The following TRPM8 variants were observed in gnomAD, a reference collection of about 807,000 sequenced individuals.
The protein encoded by TRPM8 is transient receptor potential cation channel subfamily M member 8.
In TRPM8, 110 loss-of-function variants were observed where a neutral mutation model predicts 133.7. That is an observed-to-expected ratio of 0.82 (90% confidence interval 0.70 to 0.96). The LOEUF is 0.96. Among genes scored for constraint, TRPM8 ranks in the 40% least tolerant of loss-of-function variants. TRPM8 has a pLI of 0.00. For synonymous variants in TRPM8, 535 were observed against 532.3 expected (o/e 1.01, Z -0.07); for missense variants, 1,291 against 1,379.5 (o/e 0.94, Z 1.02).
At chr2:233,940,491 C>A (rs1184492889) in intron 5 of TRPM8, among the ~76,000 whole-genome samples, 1 of 152,124 alleles carries the variant, frequency 6.6e-6, no homozygotes, top group African/African-American at 2.4e-5. Flanking sequence ...CTATTATGTA[C>A]CAGAAATTGT....
At chr2:233,952,744 T>A (rs1691198633) in intron 9 of TRPM8, among the ~76,000 whole-genome samples, 1 of 151,932 alleles carries the variant, frequency 6.6e-6, no homozygotes, top group South Asian at 2.1e-4. Context: ...GGCAGGAGTA[T>A]GCAGGATGGA....
chr2:233,999,402 G>A (rs558024410), intron 22 of TRPM8, among the ~76,000 whole-genome samples: 24 of 152,264 alleles, frequency 1.6e-4, no homozygotes, highest in Non-Finnish European at 2.1e-4. Flanking sequence ...CTTCTGCTGC[G>A]TTCTATTGGT....
intron 17 of TRPM8, among the ~76,000 whole-genome samples, chr2:233,978,081 C>A (rs899481227): frequency 3.5e-4 from 44 of 126,970 alleles, no homozygotes; most frequent in African/African-American, 1.1e-3. Context: ...TTACAATTTG[C>A]TTTTTTTTTT....
intron 15 of TRPM8, among the ~76,000 whole-genome samples, chr2:233,967,845 CT>C (rs566628857): frequency 1.3e-5 from 2 of 152,128 alleles, no homozygotes; most frequent in Admixed American, 6.5e-5. Flanking sequence ...TCACACTCTA[CT>C]TATGTCTTCC....
At chr2:233,982,319 C>T (rs1317059955) in intron 19 of TRPM8, among the ~76,000 whole-genome samples, 1 of 152,144 alleles carries the variant, frequency 6.6e-6, no homozygotes, top group Admixed American at 6.5e-5. Flanking sequence ...AGGATTGGAA[C>T]CTGAATCATG....
At chr2:233,966,141 C>A (rs7606865) in intron 14 of TRPM8, 15,777 of 157,234 alleles carry the variant, frequency 0.1, 996 homozygotes, top group East Asian at 0.25. Context: ...TGAGCCACTG[C>A]GCCCAACCTT....
intron 5 of TRPM8, among the ~76,000 whole-genome samples, chr2:233,940,638 A>G (rs1305420910): frequency 1.3e-5 from 2 of 152,196 alleles, no homozygotes; most frequent in Non-Finnish European, 2.9e-5. Context: ...TTGGAGTGCT[A>G]CCTTCACTTC....
At chr2:233,966,244 G>T (rs114452238) in intron 14 of TRPM8, 5,495 of 194,158 alleles carry the variant, frequency 0.028, 276 homozygotes, top group African/African-American at 0.13. Flanking sequence ...ATTACGGGGG[G>T]GTCGGGGGGC....
intron 20 of TRPM8, 154 bp downstream of exon 20, chr2:233,983,378 T>G (rs1016645695): frequency 1.1e-5 from 9 of 793,882 alleles, no homozygotes; most frequent in Non-Finnish European, 1.9e-5. Context: ...CAAAACCTCT[T>G]CTTTGCTCTT....
intron 1 of TRPM8, among the ~76,000 whole-genome samples, chr2:233,919,745 T>C (rs1691371856): frequency 6.6e-6 from 1 of 152,086 alleles, no homozygotes; most frequent in Non-Finnish European, 1.5e-5. Context: ...CAGTTATTTA[T>C]TACTGACATT....
intron 8 of TRPM8, among the ~76,000 whole-genome samples, chr2:233,949,006 C>T (rs990945015): frequency 2.4e-4 from 36 of 152,182 alleles, no homozygotes; most frequent in Non-Finnish European, 4.7e-4. Context: ...TGCACTCCAG[C>T]CTGGGAGACA....
chr2:234,000,086 GATTT>G (rs3078202), intron 22 of TRPM8, among the ~76,000 whole-genome samples: 9,266 of 144,216 alleles, frequency 0.064, 485 homozygotes, highest in African/African-American at 0.14. Flanking sequence ...CAATGTGGAT[GATTT>G]ATTTATTTAT....
intron 3 of TRPM8, chr2:233,933,836 C>G (rs912542137): frequency 6.0e-6 from 1 of 167,158 alleles, no homozygotes; most frequent in Admixed American, 6.5e-5. Flanking sequence ...CAGGAAGTAG[C>G]CTGGGCTCAG....
chr2:233,981,761 C>G lies in TRPM8; in HGVS notation c.2448-13C>G, dbSNP rs201325436. 3.8e-5 allele frequency: 60 copies of G among 1,588,638 alleles called. No individual in the cohort carries two copies. The highest frequency in any genetic ancestry group is 5.0e-5 in the Non-Finnish European group (59 of 1,172,790). On this transcript the variant is annotated splice_polypyrimidine_tract_variant and intron_variant, in intron 18 of 25. Transcript: ENST00000324695. Reference sequence around the variant, plus strand: ...CAATATCTCATGAATTCTGTTCCTTCTTTTCCCCCTAGGCTCCACTCTTCT... The same window carrying G: ...CAATATCTCATGAATTCTGTTCCTTGTTTTCCCCCTAGGCTCCACTCTTCT...
In TRPM8 at chr2:233,937,376, A is replaced by T; in HGVS notation, c.215A>T (p.Tyr72Phe). The T allele has an allele frequency of 6.2e-7, 1 of 1,614,190 alleles. No homozygotes were observed. Among genetic ancestry groups the T allele is most frequent in the Non-Finnish European group, 8.5e-7 (1 of 1,180,032 alleles). Reference sequence around the variant, plus strand: ...AGGGAGAATGTGTGCAAGTGTGGCTATGCCCAGAGCCAGCACATGGAAGGC... The same window carrying T: ...AGGGAGAATGTGTGCAAGTGTGGCTTTGCCCAGAGCCAGCACATGGAAGGC... ...KATENVCKCG[Y>F]AQSQHMEGTQ... is the part of the protein sequence containing the mutation. Residue 72 changes from tyrosine (Y) to phenylalanine (F), a missense_variant, in exon 4 of 26, where the codon TAT (tyrosine) becomes TTT (phenylalanine). Physicochemically the swap from Tyr to Phe is conservative, Grantham distance 22 (BLOSUM62 3). Transcript: ENST00000324695.
At chr2:233,938,366 G>T (rs1319611615) in intron 4 of TRPM8, among the ~76,000 whole-genome samples, 2 of 152,208 alleles carry the variant, frequency 1.3e-5, no homozygotes, top group South Asian at 4.1e-4. Context: ...TGTGAACCCT[G>T]AATATCTGAG....
At chr2:233,965,288 T>G (rs1252654790) in intron 14 of TRPM8, among the ~76,000 whole-genome samples, 1 of 152,174 alleles carries the variant, frequency 6.6e-6, no homozygotes, top group African/African-American at 2.4e-5. Context: ...GAATAACAGT[T>G]GCCCTGCAGC....
At position 234,006,950 on chromosome 2, in the gene TRPM8, G is replaced by A. The variant is rs200385878; in HGVS notation, c.3228G>A (p.Glu1076=). The part of the protein sequence containing the change: ...KINTKANDTS[E]EMRHRFRQLD... ...ACACAAAAGCCAACGACACCTCAGAGGAGTATGTCAGACATCCCTTTCTGC... is the reference window on the plus strand; with the variant it reads ...ACACAAAAGCCAACGACACCTCAGAAGAGTATGTCAGACATCCCTTTCTGC... The change falls in exon 23 of 26, where the codon GAG becomes GAA. Residue 1076 remains glutamate (E), a splice_region_variant and synonymous_variant. Transcript: ENST00000324695. 3.7e-6 allele frequency: 6 copies of A among 1,612,432 alleles called. No individual in the cohort carries two copies. Among genetic ancestry groups the A allele is most frequent in the African/African-American group, 1.3e-5 (1 of 75,002 alleles).
intron 25 of TRPM8, among the ~76,000 whole-genome samples, chr2:234,016,297 T>G (rs11563054): frequency 1.3e-5 from 2 of 152,150 alleles, no homozygotes; most frequent in Non-Finnish European, 2.9e-5. Flanking sequence ...GAACCACTGG[T>G]GGCCTCAGAG....
Sources: gnomAD v4.1 joint callset for allele counts (sites outside exome capture counted in the v4.1 genomes callset) on GRCh38, gnomAD v4.1.1 for gene constraint, MANE v1.5 for transcripts, NCBI Gene and HGNC (gene_info 2026-07-23, HGNC 2026-07-21) for gene names.